RNASE9: variants seen among roughly 807,000 people sequenced by gnomAD.
The protein encoded by RNASE9 is inactive ribonuclease-like protein 9.
For synonymous variants in RNASE9, 95 were observed against 87.6 expected (o/e 1.08, Z -0.47); for missense variants, 263 against 247.1 (o/e 1.06, Z -0.43).
chr14:20,560,493 A>G (rs1192346578), intron 1 of RNASE9: 1 of 152,196 alleles, frequency 6.6e-6, no homozygotes, highest in South Asian at 2.1e-4. Context: ...TTTATATTGA[A>G]AGACAAACAG....
rs533675408 is a variant in RNASE9 at position 20,560,912 on chromosome 14, G to A, written c.-1672C>T. 2.0e-5 allele frequency: 3 copies of A among 152,268 alleles called. No homozygotes were observed. In the South Asian group the frequency reaches 6.2e-4, roughly 32 times the overall value. 9.4% of individuals were successfully genotyped at this position (152,268 alleles called of 1,614,324 possible). ...GGCACTATGTTGACTCACAGAAGTT[G>A]GAAGTCCAAGAGGTAGAGCAGGAGA... On this transcript the variant is annotated 5_prime_UTR_variant, in exon 1 of 3. Transcript: ENST00000555230.
exon 3 of RNASE9, chr14:20,557,162 A>G: frequency 7.4e-7 from 1 of 1,349,080 alleles, no homozygotes; most frequent in South Asian, 1.4e-5. Context: ...GTTATGCCAC[A>G]TGTTGCTGTT....
chr14:20,558,497 G>A, exon 3 of RNASE9: 1 of 1,392,138 alleles, frequency 7.2e-7, no homozygotes, highest in Non-Finnish European at 1.0e-6. Flanking sequence ...GTGCCACACT[G>A]TCCCTCCCCT....
chr14:20,558,213 G>T, exon 3 of RNASE9: 1 of 425,992 alleles, frequency 2.3e-6, no homozygotes. Flanking sequence ...GTCCTACTTG[G>T]TGGCAACCTG....
intron 1 of RNASE9, chr14:20,560,325 A>G (rs887824456): frequency 6.6e-6 from 1 of 152,124 alleles, no homozygotes; most frequent in Non-Finnish European, 1.5e-5. Context: ...GGCAATAATT[A>G]TAATAACTTA....
At chr14:20,556,606 T>G in exon 3 of RNASE9, 1 of 1,613,896 alleles carries the variant, frequency 6.2e-7, no homozygotes. Context: ...AAGTGATTCG[T>G]ATTTACACGC....
At chr14:20,556,740 G>C in exon 3 of RNASE9, 1 of 1,613,860 alleles carries the variant, frequency 6.2e-7, no homozygotes, top group East Asian at 2.2e-5. Context: ...TTTGGAGCTC[G>C]TCATATTGCA....
rs141954688 is a variant in RNASE9 at position 20,560,107 on chromosome 14, T to G, written c.-1633-474A>C. On this transcript the variant is annotated intron_variant, in intron 1 of 2. Coordinates refer to ENST00000555230, the Ensembl canonical transcript of RNASE9. ...TTATGGGCTTGTAGGTGAACCAATA[T>G]GTTTCAGAAGGATTATTAAGTGGTA... 1.4e-3 allele frequency among the ~76,000 whole-genome samples: 212 copies of G among 152,274 alleles called. 2 individuals are homozygous for G. The highest frequency in any genetic ancestry group is 4.8e-3 in the African/African-American group (200 of 41,554).
At chr14:20,558,377 C>G in exon 3 of RNASE9, 1 of 680,480 alleles carries the variant, frequency 1.5e-6, no homozygotes, top group South Asian at 1.6e-5. Flanking sequence ...TTGGGGAACA[C>G]ATCAGAAAGT....
At chr14:20,557,262 G>T (rs1205034630) in exon 3 of RNASE9, 4 of 595,356 alleles carry the variant, frequency 6.7e-6, no homozygotes, top group Non-Finnish European at 1.2e-5. Flanking sequence ...GACCTTACTA[G>T]GCCTACAGTC....
At chr14:20,558,546 C>T (rs1396828728) in exon 3 of RNASE9, 1 of 1,547,932 alleles carries the variant, frequency 6.5e-7, no homozygotes, top group Admixed American at 2.0e-5. Context: ...ACACTGTCAT[C>T]AGTGTCCTCC....
chr14:20,558,372 G>T (rs1883798666), exon 3 of RNASE9: 3 of 672,638 alleles, frequency 4.5e-6, no homozygotes, highest in Non-Finnish European at 5.5e-6. Flanking sequence ...GGGTGTTGGG[G>T]AACACATCAG....
chr14:20,557,551 A>T (rs1189631652), exon 3 of RNASE9: 1 of 154,216 alleles, frequency 6.5e-6, no homozygotes, highest in African/African-American at 2.4e-5. Flanking sequence ...CCTTTCGAAC[A>T]TTCCACTTTG....
At chr14:20,556,627 A>G (rs12590446) in exon 3 of RNASE9, 1,197,064 of 1,612,202 alleles carry the variant, frequency 0.74, 455,392 homozygotes, top group Non-Finnish European at 0.78. Context: ...TGGTATTTCA[A>G]ATGCTTCTGT....
exon 3 of RNASE9, chr14:20,556,980 A>T (rs370596740): frequency 6.2e-7 from 1 of 1,614,114 alleles, no homozygotes; most frequent in Non-Finnish European, 8.5e-7. Flanking sequence ...CAAAATCTGT[A>T]TCCACCTCTT....
chr14:20,560,416 T>G (rs1594462629), intron 1 of RNASE9: 1 of 151,978 alleles, frequency 6.6e-6, no homozygotes, highest in African/African-American at 2.4e-5. Context: ...ATTTGAGAAA[T>G]ACAATAAAAA....
chr14:20,557,170 G>A, exon 3 of RNASE9: 1 of 1,269,120 alleles, frequency 7.9e-7, no homozygotes, highest in Non-Finnish European at 1.1e-6. Flanking sequence ...ACATGTTGCT[G>A]TTCTGGGCTC....
intron 2 of RNASE9, among the ~76,000 whole-genome samples, chr14:20,559,010 C>T (rs1188795353): frequency 6.6e-6 from 1 of 152,082 alleles, no homozygotes; most frequent in Non-Finnish European, 1.5e-5. Flanking sequence ...AAAATCTATT[C>T]TCTCATCCCT....
exon 3 of RNASE9, chr14:20,556,277 A>T (rs149729725): frequency 1.7e-6 from 1 of 575,804 alleles, no homozygotes; most frequent in Non-Finnish European, 3.1e-6. Flanking sequence ...ACCACATCTC[A>T]GAGCACCGTC....
Sources: allele counts gnomAD v4.1 joint callset (sites outside exome capture counted in the v4.1 genomes callset), GRCh38; gene constraint gnomAD v4.1.1; transcripts MANE v1.5; gene names NCBI Gene and HGNC (gene_info 2026-07-23, HGNC 2026-07-21).